GDAP1: variants seen among roughly 807,000 people sequenced by gnomAD.
GDAP1 encodes the protein ganglioside-induced differentiation-associated protein 1.
GDAP1 carries 34 observed loss-of-function variants against 40.1 expected under a neutral mutation model. That is an observed-to-expected ratio of 0.85 (90% CI 0.64 to 1.13). The LOEUF (loss-of-function observed/expected upper bound fraction) is 1.13, where lower values mean the gene tolerates loss of function less well. GDAP1 is among the 50% of genes most tolerant of loss of function. GDAP1 has a pLI of 0.00. For synonymous variants in GDAP1, 170 were observed against 157.4 expected, an observed-to-expected ratio of 1.08 and a Z score of -0.60; for missense variants, 374 against 433.7, an observed-to-expected ratio of 0.86 and a Z score of 1.22.
chr8:74,356,379 T>C lies in GDAP1; in HGVS notation c.311-3758T>C, dbSNP rs565661744. Among the ~76,000 whole-genome samples, 33 of 152,330 alleles carry C rather than the reference T, an allele frequency of 2.2e-4. No individual in the cohort carries two copies. The East Asian group carries it at 5.6e-3, about 26-fold the overall frequency. On this transcript the variant is annotated intron_variant, in intron 2 of 5. Transcript: ENST00000220822. The stretch of plus-strand genomic sequence containing the variant: ...TTTTGCTTCCATCATTAAAAATGTT[T>C]CTGTTAAAAGTCTTAACTGTAATAC...
At chr8:74,426,052 C>T (rs1053863286) in intron 2 of GDAP1, among the ~76,000 whole-genome samples, 51 of 152,282 alleles carry the variant, frequency 3.3e-4, no homozygotes, top group African/African-American at 1.1e-3. Flanking sequence ...CCTAGTTCTG[C>T]TAGCTTAGAT....
intron 2 of GDAP1, among the ~76,000 whole-genome samples, chr8:74,480,537 A>G (rs1426306876): frequency 1.3e-5 from 2 of 152,206 alleles, no homozygotes; most frequent in South Asian, 2.1e-4. Context: ...AAGACTCCTT[A>G]GTCTATGATT....
At chr8:74,423,337 TATA>T (rs1346742565) in intron 2 of GDAP1, among the ~76,000 whole-genome samples, 2 of 147,468 alleles carry the variant, frequency 1.4e-5, no homozygotes, top group Admixed American at 6.9e-5. Flanking sequence ...TTTATTATAG[TATA>T]ATAAATTATA....
At chr8:74,384,452 C>A (rs1809996986) in intron 2 of GDAP1, among the ~76,000 whole-genome samples, 1 of 152,062 alleles carries the variant, frequency 6.6e-6, no homozygotes, top group Non-Finnish European at 1.5e-5. Context: ...AACTTAAACC[C>A]CAATTGTTCA....
At chr8:74,368,551 A>G (rs1167578347), downstream of GDAP1, among the ~76,000 whole-genome samples, 1 of 152,246 alleles carries the variant, frequency 6.6e-6, no homozygotes, top group Non-Finnish European at 1.5e-5. Context: ...ATGATGTTAC[A>G]AACTTTCCCA....
chr8:74,376,056 C>T (rs577794900), intron 2 of GDAP1, among the ~76,000 whole-genome samples: 8 of 152,050 alleles, frequency 5.3e-5, no homozygotes, highest in South Asian at 2.1e-4. Context: ...AGAATTTAAC[C>T]GATGTATAAT....
At chr8:74,426,274 A>G (rs1209626283) in intron 2 of GDAP1, among the ~76,000 whole-genome samples, 1 of 152,236 alleles carries the variant, frequency 6.6e-6, no homozygotes, top group Non-Finnish European at 1.5e-5. Flanking sequence ...ATCAAAATGG[A>G]GAAATTATCA....
intron 2 of GDAP1, among the ~76,000 whole-genome samples, chr8:74,473,361 ATC>A (rs1182674614): frequency 2.0e-5 from 3 of 151,988 alleles, no homozygotes; most frequent in African/African-American, 7.3e-5. Flanking sequence ...TCATTATGAA[ATC>A]TCTGTCCATT....
chr8:74,431,780 C>T (rs1028090847), intron 2 of GDAP1, among the ~76,000 whole-genome samples: 1 of 152,140 alleles, frequency 6.6e-6, no homozygotes, highest in African/African-American at 2.4e-5. Flanking sequence ...TGCACCCGGC[C>T]TCAAAATTCT....
chr8:74,425,026 G>A (rs1805929588), intron 2 of GDAP1, among the ~76,000 whole-genome samples: 1 of 152,070 alleles, frequency 6.6e-6, no homozygotes. Context: ...CCTTTTGAGG[G>A]GTCAACTGCA....
At chr8:74,397,965 AT>A (rs1586821331) in intron 2 of GDAP1, among the ~76,000 whole-genome samples, 3 of 151,826 alleles carry the variant, frequency 2.0e-5, no homozygotes, top group Admixed American at 6.6e-5. Context: ...CATTTTCACG[AT>A]ATTGATTCTT....
At chr8:74,468,478 TACACACACACACACACACACACAC>T (rs71271804) in intron 2 of GDAP1, among the ~76,000 whole-genome samples, 1 of 139,120 alleles carries the variant, frequency 7.2e-6, no homozygotes, top group Non-Finnish European at 1.5e-5. Flanking sequence ...AATGACCCCA[TACACACACACACACACACACACAC>T]ACACACACAC....
At chr8:74,431,322 A>G (rs1043370740) in intron 2 of GDAP1, among the ~76,000 whole-genome samples, 3 of 152,090 alleles carry the variant, frequency 2.0e-5, no homozygotes, top group African/African-American at 4.8e-5. Context: ...GAATTTATGG[A>G]TTAAATGTAA....
chr8:74,385,138 G>A (rs1467463194), intron 2 of GDAP1, among the ~76,000 whole-genome samples: 4 of 151,920 alleles, frequency 2.6e-5, no homozygotes, highest in Non-Finnish European at 5.9e-5. Context: ...AACCCAAGTC[G>A]CTTATTTTAT....
intron 2 of GDAP1, among the ~76,000 whole-genome samples, chr8:74,414,685 G>A (rs1232320865): frequency 6.7e-6 from 1 of 149,650 alleles, no homozygotes; most frequent in African/African-American, 2.6e-5. Context: ...TCAGGTACTT[G>A]TAGGACAATA....
At position 74,365,397 on chromosome 8, in the gene GDAP1, T is replaced by C. The variant is rs576789317; in HGVS notation, c.*1030T>C. 105 of 453,808 alleles carry C rather than the reference T, an allele frequency of 2.3e-4. 1 individual carries two copies. The highest frequency in any genetic ancestry group is 1.5e-3 in the South Asian group (95 of 64,446). The allele number at this position is 453,808 out of a possible 1,614,324, so 28.1% of individuals were successfully genotyped here. ...GCATACCTGTATTCACTGATGTATG[T>C]TTAAGGGATTTGGGGGGGATACCTC... On this transcript the variant is annotated 3_prime_UTR_variant, in exon 6 of 6. Transcript: ENST00000220822.
rs142098761 is a variant in GDAP1, at chr8:74,438,142, C to T, written c.166-50536C>T. Among the ~76,000 whole-genome samples, 648 of 152,144 alleles carry T rather than the reference C, an allele frequency of 4.3e-3. 4 individuals are homozygous for T. The highest frequency in any genetic ancestry group is 0.013 in the African/African-American group (544 of 41,484). ...AAAATTAGTTGGGCATGGTGGCGCG[C>T]GCCTGTAGTCTCAGCTGCTCGGGAG... On this transcript the variant is annotated intron_variant, in intron 2 of 2. Coordinates refer to the GDAP1 transcript ENST00000523640.
intron 2 of GDAP1, among the ~76,000 whole-genome samples, chr8:74,387,554 T>C (rs1259541376): frequency 6.6e-6 from 1 of 152,254 alleles, no homozygotes; most frequent in African/African-American, 2.4e-5. Context: ...GTGGATAAGC[T>C]TTCTGATGTA....
intron 2 of GDAP1, among the ~76,000 whole-genome samples, chr8:74,389,041 C>T (rs199662307): frequency 6.6e-6 from 1 of 152,054 alleles, no homozygotes; most frequent in Non-Finnish European, 1.5e-5. Flanking sequence ...GGTAAATATT[C>T]CTCCATCCCT....
Sources: gnomAD v4.1 joint callset for allele counts (sites outside exome capture counted in the v4.1 genomes callset) on GRCh38, gnomAD v4.1.1 for gene constraint, MANE v1.5 for transcripts, NCBI Gene and HGNC (gene_info 2026-07-23, HGNC 2026-07-21) for gene names.